The following SYNDIG1L variants were observed in gnomAD, a reference collection of about 807,000 sequenced individuals.
The protein encoded by SYNDIG1L is synapse differentiation inducing 1 like, also known as synapse differentiation-inducing gene protein 1-like.
A neutral mutation model predicts 20.1 loss-of-function variants in SYNDIG1L; 13 were observed. The observed-to-expected ratio is 0.65, with a 90% CI of 0.42 to 1.03. The LOEUF (loss-of-function observed/expected upper bound fraction) is 1.03, where lower values mean the gene tolerates loss of function less well. SYNDIG1L is among the 50% of genes least tolerant of loss of function. The pLI, the probability that SYNDIG1L is intolerant of heterozygous loss-of-function variation, is 0.00. For missense variants in SYNDIG1L, 294 were observed against 305.1 expected, an observed-to-expected ratio of 0.96 and a Z score of 0.27; for synonymous variants, 128 against 129.3, an observed-to-expected ratio of 0.99 and a Z score of 0.07.
At chr14:74,459,578 C>G in the SYNDIG1L span, among the ~76,000 whole-genome samples, 5 of 152,178 alleles carry the variant, frequency 3.3e-5, no homozygotes, top group Non-Finnish European at 1.5e-5. Context: ...CTGCTAAGCT[C>G]AGGCCAAACA....
the SYNDIG1L span, among the ~76,000 whole-genome samples, chr14:74,438,284 CTT>C: frequency 6.6e-6 from 1 of 152,150 alleles, no homozygotes; most frequent in Admixed American, 6.5e-5. Flanking sequence ...TACAAAAAAA[CTT>C]TTGGTTTCAG....
chr14:74,476,505 T>G, the SYNDIG1L span: 1 of 1,535,140 alleles, frequency 6.5e-7, no homozygotes, highest in Non-Finnish European at 8.7e-7. Flanking sequence ...CTCCAGAATC[T>G]CAGGCTCTTA....
chr14:74,409,793 C>T lies in SYNDIG1L; in HGVS notation c.-49G>A. 1 of 1,405,072 alleles carries T rather than the reference C, an allele frequency of 7.1e-7. No homozygotes were observed. The allele number at this position is 1,405,072 out of a possible 1,614,324, so 87.0% of individuals were successfully genotyped here. A position where few individuals can be genotyped will look rare whatever the true frequency, so the allele number is the denominator to read the frequency against. On this transcript the variant is annotated 5_prime_UTR_variant, in exon 2 of 4. Coordinates refer to ENST00000331628, the MANE Select transcript of SYNDIG1L (RefSeq NM_001105579.2). ...GGGGGGCCTGGGCCAGCTGAGCAGT[C>T]CTCAGAGCCTGTCAGAAGAGCAAGA...
At chr14:74,469,527 A>G in the SYNDIG1L span, among the ~76,000 whole-genome samples, 15 of 152,080 alleles carry the variant, frequency 9.9e-5, no homozygotes, top group Admixed American at 5.9e-4. Context: ...AATAAAAAAA[A>G]AAGAAGAAGA....
At chr14:74,458,583 T>C in the SYNDIG1L span, among the ~76,000 whole-genome samples, 33 of 145,220 alleles carry the variant, frequency 2.3e-4, no homozygotes, top group Non-Finnish European at 5.9e-5. Context: ...GATCGCACCA[T>C]TGCACTCCAG....
the SYNDIG1L span, among the ~76,000 whole-genome samples, chr14:74,469,013 G>A: frequency 1.3e-5 from 2 of 152,100 alleles, no homozygotes; most frequent in Admixed American, 1.3e-4. Flanking sequence ...GTCCTGTCAA[G>A]GCCCTTGGGG....
At chr14:74,447,416 G>A in the SYNDIG1L span, among the ~76,000 whole-genome samples, 1 of 152,030 alleles carries the variant, frequency 6.6e-6, no homozygotes, top group African/African-American at 2.4e-5. Context: ...GTGAAACCCC[G>A]TGTCTAATAA....
intron 1 of SYNDIG1L, 150 bp from the exon 2 acceptor site, chr14:74,409,951 C>A (rs2086118545): frequency 1.9e-6 from 1 of 519,116 alleles, no homozygotes. Context: ...GGCTACTTCA[C>A]TTCTCAGGGC....
At chr14:74,469,205 G>A in the SYNDIG1L span, among the ~76,000 whole-genome samples, 1 of 152,068 alleles carries the variant, frequency 6.6e-6, no homozygotes, top group African/African-American at 2.4e-5. Context: ...ACATTGCAGA[G>A]CCTTTTCATG....
At chr14:74,426,271 G>T (rs911666811), upstream of SYNDIG1L, among the ~76,000 whole-genome samples, 2 of 152,004 alleles carry the variant, frequency 1.3e-5, no homozygotes, top group African/African-American at 2.4e-5. Context: ...CCTCCCTCTC[G>T]CTTCCGTGCT....
At chr14:74,433,449 T>C in the SYNDIG1L span, among the ~76,000 whole-genome samples, 1 of 152,000 alleles carries the variant, frequency 6.6e-6, no homozygotes, top group Non-Finnish European at 1.5e-5. Flanking sequence ...AGTCGTGCAA[T>C]CTTGGCCCGC....
chr14:74,464,248 G>A, the SYNDIG1L span, among the ~76,000 whole-genome samples: 1 of 152,094 alleles, frequency 6.6e-6, no homozygotes, highest in Non-Finnish European at 1.5e-5. Flanking sequence ...TAAGGAGCTG[G>A]TTGGTATATC....
Position 74,407,437 on chromosome 14 carries a change from C to A in SYNDIG1L, c.*98G>T. 2 of 1,537,274 alleles carry A rather than the reference C, an allele frequency of 1.3e-6. No homozygotes were observed. Among genetic ancestry groups the A allele is most frequent in the South Asian group, 1.2e-5 (1 of 85,782 alleles). On this transcript the variant is annotated 3_prime_UTR_variant, in exon 4 of 4. Transcript: ENST00000331628. ...CCTCAGCAAGCCACTCTCACGGGAT[C>A]ATCTTCAGGGGCCGGGCCTTTCCAT... is the stretch of plus-strand genomic sequence containing the variant.
the SYNDIG1L span, among the ~76,000 whole-genome samples, chr14:74,442,634 T>A: frequency 6.6e-6 from 1 of 152,184 alleles, no homozygotes; most frequent in African/African-American, 2.4e-5. Flanking sequence ...TTAGAAGAGA[T>A]CTCTAGCTAA....
chr14:74,459,840 A>C, the SYNDIG1L span, among the ~76,000 whole-genome samples: 1 of 152,194 alleles, frequency 6.6e-6, no homozygotes, highest in African/African-American at 2.4e-5. Context: ...ACTCCTTCAG[A>C]GAGGCCCCAA....
chr14:74,419,049 C>A (rs1169652817), intron 1 of SYNDIG1L, among the ~76,000 whole-genome samples: 1 of 152,182 alleles, frequency 6.6e-6, no homozygotes, highest in African/African-American at 2.4e-5. Flanking sequence ...CAGTGCCATT[C>A]CCCCTTTCGG....
In SYNDIG1L at chr14:74,425,746, A is replaced by T. The variant is rs1462293605; in HGVS notation, c.-58+166T>A. ...CCTCCCAGCACCCCCAGCCTGCAGG[A>T]TGAGGGGTAGGGAGGGACGAAGTGC... On this transcript the variant is annotated intron_variant, in intron 1 of 3. Transcript: ENST00000331628. Among the ~76,000 whole-genome samples the T allele has an allele frequency of 2.0e-5, 3 of 152,154 alleles. No individual in the cohort carries two copies. In the East Asian group the frequency reaches 5.8e-4, roughly 30 times the overall value.
intron 1 of SYNDIG1L, among the ~76,000 whole-genome samples, chr14:74,421,017 A>G (rs541026616): frequency 2.6e-5 from 4 of 152,324 alleles, no homozygotes; most frequent in African/African-American, 9.6e-5. Context: ...AAAAACAACT[A>G]CAGGAAAATA....
At chr14:74,412,112 C>T (rs2086136018) in intron 1 of SYNDIG1L, among the ~76,000 whole-genome samples, 1 of 152,190 alleles carries the variant, frequency 6.6e-6, no homozygotes, top group South Asian at 2.1e-4. Flanking sequence ...AGGGCCTCCT[C>T]CTTCCTCTCT....
Sources: gnomAD v4.1 joint callset for allele counts (sites outside exome capture counted in the v4.1 genomes callset) on GRCh38, gnomAD v4.1.1 for gene constraint, MANE v1.5 for transcripts, NCBI Gene and HGNC (gene_info 2026-07-23, HGNC 2026-07-21) for gene names.